ERC1: variants seen among roughly 807,000 people sequenced by gnomAD.
ERC1 encodes the protein RAB6 interacting protein 2.
A neutral mutation model predicts 132.0 loss-of-function variants in ERC1; 56 were observed. That is an observed-to-expected ratio of 0.42 (90% CI 0.34 to 0.53). The LOEUF is 0.53. Among genes scored for constraint, ERC1 ranks in the 20% least tolerant of loss-of-function variants. The pLI, the probability that ERC1 is intolerant of heterozygous loss-of-function variation, is 0.03. For missense variants in ERC1, 1,202 were observed against 1,349.9 expected (o/e 0.89, Z 1.72); for synonymous variants, 478 against 476.1 (o/e 1.00, Z -0.05).
At chr12:1,298,259 CG>C (rs764977271) in intron 15 of ERC1, among the ~76,000 whole-genome samples, 2 of 151,962 alleles carry the variant, frequency 1.3e-5, no homozygotes, top group Non-Finnish European at 2.9e-5. Context: ...CCCTGAAGAG[CG>C]GCCAGGCACC....
At position 1,302,548 on chromosome 12, in the gene ERC1, A is replaced by T. The variant is rs576090827; in HGVS notation, c.2780+12536A>T. On this transcript the variant is annotated intron_variant, in intron 15 of 18. Coordinates refer to ENST00000360905, the MANE Select transcript of ERC1 (RefSeq NM_178040.4). Reference sequence around the variant, plus strand: ...TTCTAAAACGTATGTATTCATAAACATGGTTGTTTAGGGCATTTTAGGCAT... The same window carrying T: ...TTCTAAAACGTATGTATTCATAAACTTGGTTGTTTAGGGCATTTTAGGCAT... Among the ~76,000 whole-genome samples, 43 of 152,340 alleles carry T rather than the reference A, an allele frequency of 2.8e-4. No individual in the cohort carries two copies. The South Asian group carries it at 8.5e-3, about 30-fold the overall frequency.
chr12:1,213,758 G>A (rs376824602), intron 12 of ERC1, among the ~76,000 whole-genome samples: 3 of 147,376 alleles, frequency 2.0e-5, no homozygotes, highest in African/African-American at 2.5e-5. Flanking sequence ...AAAAAAAATT[G>A]CCACGCATGG....
At chr12:1,165,370 A>G (rs968189887) in intron 8 of ERC1, among the ~76,000 whole-genome samples, 11 of 150,996 alleles carry the variant, frequency 7.3e-5, no homozygotes, top group Admixed American at 5.3e-4. Context: ...CAGTGGCGCG[A>G]TCTTGGCTCA....
chr12:1,486,571 C>T (rs972673610), intron 18 of ERC1, among the ~76,000 whole-genome samples: 11 of 152,126 alleles, frequency 7.2e-5, no homozygotes, highest in Admixed American at 6.6e-4. Flanking sequence ...ACTACAGGCA[C>T]GTGCCAGCAT....
At chr12:1,235,447 A>G (rs1281556267) in intron 12 of ERC1, among the ~76,000 whole-genome samples, 1 of 152,256 alleles carries the variant, frequency 6.6e-6, no homozygotes, top group East Asian at 1.9e-4. Context: ...TATAACGGAT[A>G]AAGTATTATT....
intron 11 of ERC1, among the ~76,000 whole-genome samples, chr12:1,189,030 T>A (rs1424889484): frequency 1.3e-5 from 2 of 152,152 alleles, no homozygotes; most frequent in Non-Finnish European, 2.9e-5. Context: ...TGAATAAAAA[T>A]TTTTTTCTCA....
intron 7 of ERC1, among the ~76,000 whole-genome samples, chr12:1,119,232 G>T (rs1431949105): frequency 6.6e-6 from 1 of 151,280 alleles, no homozygotes; most frequent in Non-Finnish European, 1.5e-5. Flanking sequence ...CATGTGAAAA[G>T]ATCTGTTTGT....
intron 12 of ERC1, among the ~76,000 whole-genome samples, chr12:1,206,717 A>G (rs771157897): frequency 2.0e-5 from 3 of 152,156 alleles, no homozygotes; most frequent in African/African-American, 7.2e-5. Context: ...ACGGTCATTC[A>G]GAGATGAGAG....
intron 3 of ERC1, among the ~76,000 whole-genome samples, chr12:1,099,587 C>A (rs1397685641): frequency 6.6e-6 from 1 of 152,104 alleles, no homozygotes; most frequent in African/African-American, 2.4e-5. Flanking sequence ...TATACAGTTA[C>A]TTAAAAAGTA....
At chr12:1,295,921 A>G (rs1199445482) in intron 15 of ERC1, among the ~76,000 whole-genome samples, 1 of 151,984 alleles carries the variant, frequency 6.6e-6, no homozygotes, top group East Asian at 1.9e-4. Context: ...TAATTACCAG[A>G]CATGCAAAGA....
intron 3 of ERC1, among the ~76,000 whole-genome samples, chr12:1,094,502 C>T (rs928736288): frequency 1.3e-5 from 2 of 151,700 alleles, no homozygotes; most frequent in Non-Finnish European, 2.9e-5. Flanking sequence ...CCTCCGCCAC[C>T]TGGGTTCAAG....
At chr12:1,194,456 A>T (rs1460362493) in intron 12 of ERC1, among the ~76,000 whole-genome samples, 1 of 152,080 alleles carries the variant, frequency 6.6e-6, no homozygotes, top group South Asian at 2.1e-4. Flanking sequence ...TAAATTAAAT[A>T]AAGTACTTAG....
At chr12:1,152,434 C>T (rs1950921647) in intron 8 of ERC1, 1 of 152,572 alleles carries the variant, frequency 6.6e-6, no homozygotes, top group Admixed American at 6.6e-5. Context: ...CAGTTAAGCG[C>T]CTTTGCCTCT....
intron 16 of ERC1, among the ~76,000 whole-genome samples, chr12:1,379,103 T>G (rs2088300863): frequency 6.6e-6 from 1 of 152,250 alleles, no homozygotes; most frequent in Non-Finnish European, 1.5e-5. Flanking sequence ...TATGCTGTAT[T>G]TGTAAATTCC....
Position 1,036,121 on chromosome 12 carries a change from G to A in ERC1, c.669+7549G>A, listed in dbSNP as rs571130687. On this transcript the variant is annotated intron_variant, in intron 2 of 18. Coordinates refer to ENST00000360905, the MANE Select transcript of ERC1 (RefSeq NM_178040.4). ...AAAATACTGTTTAATATTATAGGAC[G>A]GCAGGTGAATTTAATGTTTTTTGCC... Among the ~76,000 whole-genome samples the A allele has an allele frequency of 1.1e-4, 17 of 152,084 alleles. No homozygotes were observed. The South Asian group carries it at 2.3e-3, about 20-fold the overall frequency.
In ERC1 at chr12:1,495,472, C is replaced by T. The variant is rs1339455662; in HGVS notation, c.*5242C>T. The T allele has an allele frequency of 3.6e-4, 83 of 229,248 alleles. 1 individual carries two copies. In the East Asian group the frequency reaches 5.2e-3, roughly 14 times the overall value. The allele number at this position is 229,248 out of a possible 1,614,324, so 14.2% of individuals were successfully genotyped here. A position where few individuals can be genotyped will look rare whatever the true frequency, so the allele number is the denominator to read the frequency against. ...AGCAGGCCCTCTGGGTCCAGCCCCT[C>T]ATTCCACACCACGCCAGTATTGCAT... On this transcript the variant is annotated 3_prime_UTR_variant, in exon 19 of 19. Transcript: ENST00000360905.
chr12:1,003,908 GAGGAGCCTATTCT>G (rs1425622772), intron 1 of ERC1, among the ~76,000 whole-genome samples: 1 of 152,216 alleles, frequency 6.6e-6, no homozygotes, highest in African/African-American at 2.4e-5. Context: ...CTCTGTTGAT[GAGGAGCCTATTCT>G]AGGCTGCTGC....
At chr12:1,144,135 A>G (rs896481743) in intron 8 of ERC1, among the ~76,000 whole-genome samples, 2 of 152,216 alleles carry the variant, frequency 1.3e-5, no homozygotes, top group South Asian at 2.1e-4. Context: ...CCTGATCTGA[A>G]TGAGAATGCT....
chr12:1,005,791 T>C (rs909039586), intron 1 of ERC1, among the ~76,000 whole-genome samples: 8 of 152,170 alleles, frequency 5.3e-5, no homozygotes, highest in South Asian at 2.1e-4. Flanking sequence ...TATAATGATA[T>C]TATATTTCTT....
Sources: gnomAD v4.1 joint callset for allele counts (sites outside exome capture counted in the v4.1 genomes callset) on GRCh38, gnomAD v4.1.1 for gene constraint, MANE v1.5 for transcripts, NCBI Gene and HGNC (gene_info 2026-07-23, HGNC 2026-07-21) for gene names.